The following SNX29 variants were observed in gnomAD, a reference collection of about 807,000 sequenced individuals.
The protein encoded by SNX29 is sorting nexin-29.
SNX29 carries 78 observed loss-of-function variants against 102.1 expected under a neutral mutation model. The observed-to-expected ratio is 0.76, with a 90% CI of 0.64 to 0.92. SNX29 has a LOEUF of 0.92. Ranked by LOEUF, SNX29 falls within the 40% of genes least tolerant of loss-of-function variation. SNX29 has a pLI of 0.00. For synonymous variants in SNX29, 580 were observed against 414.5 expected (o/e 1.40, Z -4.85); for missense variants, 1,280 against 1,061.7 (o/e 1.21, Z -2.86).
intron 15 of SNX29, among the ~76,000 whole-genome samples, chr16:12,316,305 AAGGCCGAGGTGGGTGGATCACG>A (rs972760613): frequency 1.3e-5 from 2 of 152,124 alleles, no homozygotes; most frequent in African/African-American, 2.4e-5. Context: ...GGTGGATCAC[AAGGCCGAGGTGGGTGGATCACG>A]AGGTCAAGAG....
chr16:12,030,639 T>C (rs1370324023), intron 4 of SNX29, among the ~76,000 whole-genome samples: 1 of 152,200 alleles, frequency 6.6e-6, no homozygotes, highest in Non-Finnish European at 1.5e-5. Flanking sequence ...TGACCCACTT[T>C]GCACATCATG....
rs753244720 is a variant in SNX29, at chr16:12,403,463, G to T, written c.1971G>T (p.Leu657=). ...LSDFEISNRA[L]INVWIPSVFL... The stretch of plus-strand genomic sequence containing the variant: ...TTTTGGTTAGATCAAACCGGGCGCT[G>T]ATCAACGTCTGGATCCCCTCAGTGT... Residue 657 remains leucine (L), a synonymous_variant, in exon 18 of 21, where the codon CTG becomes CTT. Transcript: ENST00000566228. 12 of 1,608,504 alleles carry T rather than the reference G, an allele frequency of 7.5e-6. No individual in the cohort carries two copies. The highest frequency in any genetic ancestry group is 1.7e-4 in the Middle Eastern group (1 of 6,058).
intron 18 of SNX29, among the ~76,000 whole-genome samples, chr16:12,448,286 C>G (rs1450185179): frequency 1.3e-5 from 2 of 152,146 alleles, no homozygotes; most frequent in Non-Finnish European, 2.9e-5. Flanking sequence ...CAGTGAACTT[C>G]CCTGAATCCC....
intron 11 of SNX29, among the ~76,000 whole-genome samples, chr16:12,108,965 T>C (rs991563490): frequency 6.6e-6 from 1 of 151,362 alleles, no homozygotes; most frequent in Non-Finnish European, 1.5e-5. Flanking sequence ...CCGTCTCTAC[T>C]AAAAATACAA....
intron 18 of SNX29, among the ~76,000 whole-genome samples, chr16:12,472,546 A>ACC (rs1266722765): frequency 4.5e-5 from 6 of 132,272 alleles, no homozygotes; most frequent in Non-Finnish European, 6.4e-5. Context: ...AAAAAAAACA[A>ACC]AAAAAAAAAG....
intron 15 of SNX29, among the ~76,000 whole-genome samples, chr16:12,342,382 A>C (rs771883065): frequency 6.6e-6 from 1 of 152,186 alleles, no homozygotes; most frequent in Non-Finnish European, 1.5e-5. Context: ...TGATGAAACC[A>C]TGAGGCTTAG....
chr16:12,499,587 G>A (rs1360601515), intron 19 of SNX29, among the ~76,000 whole-genome samples: 10 of 152,156 alleles, frequency 6.6e-5, no homozygotes, highest in Non-Finnish European at 1.5e-4. Context: ...GAATCACTGG[G>A]GGTTAAGCAT....
intron 14 of SNX29, among the ~76,000 whole-genome samples, chr16:12,212,260 C>G (rs904545697): frequency 6.6e-6 from 1 of 152,146 alleles, no homozygotes; most frequent in African/African-American, 2.4e-5. Context: ...TGCCATGAGT[C>G]ACATGGGGAG....
chr16:12,131,862 A>G (rs907222675), intron 13 of SNX29, among the ~76,000 whole-genome samples: 3 of 152,112 alleles, frequency 2.0e-5, no homozygotes, highest in Non-Finnish European at 2.9e-5. Flanking sequence ...CCAATCTTTG[A>G]GCTTTTCCCC....
chr16:12,334,153 A>G (rs1371771991), intron 15 of SNX29, among the ~76,000 whole-genome samples: 1 of 152,160 alleles, frequency 6.6e-6, no homozygotes, highest in Admixed American at 6.5e-5. Context: ...TGAGGTTTTG[A>G]GTAAAGACAA....
At chr16:12,387,833 T>G (rs2083390206) in intron 16 of SNX29, among the ~76,000 whole-genome samples, 1 of 152,148 alleles carries the variant, frequency 6.6e-6, no homozygotes, top group Non-Finnish European at 1.5e-5. Flanking sequence ...CTTCCATGCC[T>G]CCATGCCTGA....
intron 20 of SNX29, among the ~76,000 whole-genome samples, chr16:12,533,309 G>A (rs2141187062): frequency 6.6e-6 from 1 of 152,368 alleles, no homozygotes; most frequent in African/African-American, 2.4e-5. Context: ...CCTAGTCACT[G>A]TTCGTGGGCT....
At chr16:12,543,454 G>C (rs115778066) in intron 20 of SNX29, among the ~76,000 whole-genome samples, 5 of 152,286 alleles carry the variant, frequency 3.3e-5, no homozygotes, top group East Asian at 1.9e-4. Flanking sequence ...TTCATGCTGC[G>C]GGGTCTGGTG....
At chr16:12,485,781 G>A (rs1014432072) in intron 19 of SNX29, among the ~76,000 whole-genome samples, 1 of 152,194 alleles carries the variant, frequency 6.6e-6, no homozygotes, top group Non-Finnish European at 1.5e-5. Flanking sequence ...TGAGTCCTCA[G>A]GAGCTATATG....
intron 18 of SNX29, among the ~76,000 whole-genome samples, chr16:12,405,816 C>T (rs12444071): frequency 0.44 from 66,456 of 151,802 alleles, 16,762 homozygotes; most frequent in Non-Finnish European, 0.57. Context: ...GGTGGATCGC[C>T]TGAGATCAGT....
rs995449043 is a variant in SNX29, at chr16:12,548,730, G to A, written c.2319-19776G>A. Among the ~76,000 whole-genome samples the A allele has an allele frequency of 3.9e-5, 6 of 152,244 alleles. 1 individual carries two copies. The highest frequency in any genetic ancestry group is 4.1e-4 in the South Asian group (2 of 4,824). On this transcript the variant is annotated intron_variant, in intron 20 of 20. Coordinates refer to ENST00000566228, the MANE Select transcript of SNX29 (RefSeq NM_032167.5). ...ACTGGTGTAGGAGGGGTACATCCAG[G>A]GCTCCAAGGTGTTTTCTGTGCTGAG...
chr16:12,178,110 G>A (rs2076301272), intron 13 of SNX29, among the ~76,000 whole-genome samples: 1 of 152,156 alleles, frequency 6.6e-6, no homozygotes, highest in South Asian at 2.1e-4. Context: ...ACTAGACATG[G>A]GGGAGGGAGC....
At chr16:12,402,813 G>C (rs2083998472) in intron 17 of SNX29, among the ~76,000 whole-genome samples, 1 of 152,124 alleles carries the variant, frequency 6.6e-6, no homozygotes, top group Non-Finnish European at 1.5e-5. Flanking sequence ...CAGTGTTTTT[G>C]GAAAAGCTGA....
At chr16:12,430,391 T>G (rs77231088) in intron 18 of SNX29, among the ~76,000 whole-genome samples, 1,967 of 152,302 alleles carry the variant, frequency 0.013, 54 homozygotes, top group African/African-American at 0.045. Context: ...CTTACATCAG[T>G]TGCTGTGTTT....
Sources: gnomAD v4.1 joint callset for allele counts (sites outside exome capture counted in the v4.1 genomes callset) on GRCh38, gnomAD v4.1.1 for gene constraint, MANE v1.5 for transcripts, NCBI Gene and HGNC (gene_info 2026-07-23, HGNC 2026-07-21) for gene names.